CENPF: variants seen among roughly 807,000 people sequenced by gnomAD.
CENPF encodes the protein AH antigen.
A neutral mutation model predicts 307.3 loss-of-function variants in CENPF; 214 were observed. That is an observed-to-expected ratio of 0.70 (90% CI 0.62 to 0.78). CENPF has a LOEUF of 0.78. CENPF is among the 30% of genes least tolerant of loss of function. CENPF has a pLI of 0.00. For missense variants in CENPF, 3,401 were observed against 3,483.9 expected (o/e 0.98, Z 0.60); for synonymous variants, 1,259 against 1,270.6 (o/e 0.99, Z 0.19).
intron 10 of CENPF, among the ~76,000 whole-genome samples, chr1:214,635,125 A>C (rs141175314): frequency 2.0e-5 from 3 of 152,348 alleles, no homozygotes; most frequent in Non-Finnish European, 4.4e-5. Context: ...GACCTTTCCA[A>C]GCATAGGGAT....
chr1:214,608,690 C>T (rs1456843532), intron 1 of CENPF: 14 of 1,593,482 alleles, frequency 8.8e-6, no homozygotes, highest in Non-Finnish European at 1.1e-5. Context: ...CCCAAGGGGG[C>T]GGCCCCGGCC....
At chr1:214,631,416 A>G (rs181898284) in intron 9 of CENPF, among the ~76,000 whole-genome samples, 5 of 152,336 alleles carry the variant, frequency 3.3e-5, no homozygotes, top group South Asian at 2.1e-4. Flanking sequence ...TGATGTTTCT[A>G]TAGGTCAGAT....
chr1:214,615,683 A>C (rs1657317801), intron 3 of CENPF, among the ~76,000 whole-genome samples: 1 of 152,202 alleles, frequency 6.6e-6, no homozygotes, highest in South Asian at 2.1e-4. Context: ...TCATGCCTGT[A>C]ATCCCAGCAC....
intron 19 of CENPF, among the ~76,000 whole-genome samples, chr1:214,662,037 C>T (rs1007933687): frequency 6.6e-6 from 1 of 152,082 alleles, no homozygotes; most frequent in Non-Finnish European, 1.5e-5. Context: ...ACTAAAGTGT[C>T]CTCAATTCAG....
rs775212652 is a variant in CENPF, at chr1:214,614,850, G to A, written c.181G>A (p.Glu61Lys). The A allele has an allele frequency of 1.0e-5, 16 of 1,577,440 alleles. No individual in the cohort carries two copies. In the Admixed American group the frequency reaches 1.4e-4, roughly 13 times the overall value. The stretch of plus-strand genomic sequence containing the variant: ...TCATTAGGTTGAAAATGAAAAAACC[G>A]AGGGTACAAACCTGAAAAGGGAGAA... The part of the protein sequence containing the change: ...QKQKVENEKT[E>K]GTNLKRENQR... The change falls in exon 3 of 20, where the codon GAG (glutamate) becomes AAG (lysine). Residue 61 changes from glutamate to lysine, a missense_variant. Physicochemically the swap from Glu to Lys is moderately conservative, Grantham distance 56. Transcript: ENST00000366955.
At chr1:214,617,427 T>G (rs1284868476) in intron 3 of CENPF, among the ~76,000 whole-genome samples, 1 of 152,208 alleles carries the variant, frequency 6.6e-6, no homozygotes, top group Non-Finnish European at 1.5e-5. Context: ...CTAAAAGAGC[T>G]TTCATTTTAT....
At chr1:214,628,956 C>A in intron 7 of CENPF, 90 bp from the exon 8 acceptor site, 1 of 956,334 alleles carries the variant, frequency 1.0e-6, no homozygotes, top group South Asian at 2.1e-5. Flanking sequence ...TGTGCTAAAA[C>A]AATTATAGCA....
intron 9 of CENPF, among the ~76,000 whole-genome samples, chr1:214,632,274 A>G (rs1390871315): frequency 6.6e-6 from 1 of 151,974 alleles, no homozygotes. Context: ...AGCCTCTTTC[A>G]TCTCCTATAT....
intron 1 of CENPF, among the ~76,000 whole-genome samples, chr1:214,611,582 T>A (rs1657202404): frequency 6.6e-6 from 1 of 152,158 alleles, no homozygotes; most frequent in African/African-American, 2.4e-5. Context: ...GCCAGGCTGG[T>A]CTTGAACTCC....
Position 214,646,539 on chromosome 1 carries a change from A to G in CENPF, c.6969A>G (p.Gln2323=), listed in dbSNP as rs74825176. 2,786 of 1,614,142 alleles carry G rather than the reference A, an allele frequency of 1.7e-3. 54 individuals are homozygous for G. In the African/African-American group the frequency reaches 0.033, roughly 19 times the overall value. The change falls in exon 13 of 20, where the codon CAA becomes CAG. Residue 2323 remains glutamine, a synonymous_variant. Coordinates refer to ENST00000366955, the MANE Select transcript of CENPF (RefSeq NM_016343.4). ...AGAAGCAGCTCTGTGTCTTACAACA[A>G]CTGAAGGAAAGTGAGCATCATGCAG... ...DEKKQLCVLQ[Q]LKESEHHADL... is the part of the protein sequence containing the mutation.
At chr1:214,651,134 C>T (rs1658450467) in intron 14 of CENPF, among the ~76,000 whole-genome samples, 1 of 152,100 alleles carries the variant, frequency 6.6e-6, no homozygotes, top group Admixed American at 6.6e-5. Flanking sequence ...GAAGTAGACA[C>T]CACACATACA....
chr1:214,631,540 C>T (rs569173396), intron 9 of CENPF, among the ~76,000 whole-genome samples: 3 of 152,234 alleles, frequency 2.0e-5, no homozygotes, highest in Non-Finnish European at 4.4e-5. Context: ...CCCTCTGTCA[C>T]CCAGGCTGGA....
At chr1:214,643,944 G>A (rs1410894609) in intron 12 of CENPF, among the ~76,000 whole-genome samples, 4 of 152,206 alleles carry the variant, frequency 2.6e-5, no homozygotes, top group Non-Finnish European at 5.9e-5. Flanking sequence ...TATAGTGTAT[G>A]CATGTCACTT....
At chr1:214,622,989 A>C (rs1360844084) in intron 7 of CENPF, among the ~76,000 whole-genome samples, 1 of 152,190 alleles carries the variant, frequency 6.6e-6, no homozygotes, top group African/African-American at 2.4e-5. Flanking sequence ...AGACACGCGG[A>C]TCACTTGAGG....
rs774154854 is a variant in CENPF at position 214,641,833 on chromosome 1, A to G, written c.3495A>G (p.Glu1165=). ...QLMKVMKTKH[E]CQNLESEPIR... ...TGAAGGTAATGAAGACTAAACATGA[A>G]TGTCAAAATCTAGAATCAGAACCAA... Residue 1165 remains glutamate, a synonymous_variant, in exon 12 of 20, where the codon GAA becomes GAG. Coordinates refer to ENST00000366955, the MANE Select transcript of CENPF (RefSeq NM_016343.4). 5 of 1,609,040 alleles carry G rather than the reference A, an allele frequency of 3.1e-6. No homozygotes were observed. Among genetic ancestry groups the G allele is most frequent in the Non-Finnish European group, 4.2e-6 (5 of 1,178,864 alleles).
rs769583088 is a variant in CENPF at position 214,645,670 on chromosome 1, C to T, written c.6100C>T (p.Gln2034Ter). The T allele has an allele frequency of 6.2e-6, 10 of 1,614,008 alleles. No individual in the cohort carries two copies. Among genetic ancestry groups the T allele is most frequent in the African/African-American group, 1.3e-5 (1 of 74,914 alleles). Reference protein sequence around the residue: ...SELLKDKTHLQEKLQSLEKDS... With the variant: ...SELLKDKTHL Reference sequence around the variant, plus strand: ...GCTGTTAAAAGACAAAACTCATCTCCAGGAAAAGCTGCAGAGTTTGGAAAA... The same window carrying T: ...GCTGTTAAAAGACAAAACTCATCTCTAGGAAAAGCTGCAGAGTTTGGAAAA... The change falls in exon 13 of 20, where the codon CAG becomes TAG. Residue 2034 changes from glutamine to a stop codon, truncating the protein, a stop_gained. Transcript: ENST00000366955. LOFTEE classifies it high-confidence loss of function.
Position 214,642,372 on chromosome 1 carries a change from A to C in CENPF, c.4034A>C (p.Glu1345Ala). Residue 1345 changes from glutamate to alanine, a missense_variant, in exon 12 of 20, where the codon GAA (glutamate) becomes GCA (alanine). Physicochemically the swap from Glu to Ala is moderately radical, Grantham distance 107. Coordinates refer to ENST00000366955, the MANE Select transcript of CENPF (RefSeq NM_016343.4). ...GAAGAGGTAGGGAAACTACTAAATG[A>C]AGTTAAAATATTAAATGATGACAGT... ...MAEEVGKLLN[E>A]VKILNDDSGL... 1 of 1,611,962 alleles carries C rather than the reference A, an allele frequency of 6.2e-7. No homozygotes were observed. The highest frequency in any genetic ancestry group is 1.1e-5 in the South Asian group (1 of 90,518).
At chr1:214,606,124 G>A in intron 1 of CENPF, 4 of 1,537,018 alleles carry the variant, frequency 2.6e-6, no homozygotes, top group Non-Finnish European at 3.5e-6. Flanking sequence ...CGACGCGCGC[G>A]CACCCTTCCC....
chr1:214,634,056 G>A (rs545509486), intron 10 of CENPF, among the ~76,000 whole-genome samples: 2 of 152,330 alleles, frequency 1.3e-5, no homozygotes, highest in South Asian at 4.1e-4. Flanking sequence ...ACATTGTCTT[G>A]CAGGTGTTTC....
Sources: allele counts gnomAD v4.1 joint callset (sites outside exome capture counted in the v4.1 genomes callset), GRCh38; gene constraint gnomAD v4.1.1; transcripts MANE v1.5; gene names NCBI Gene and HGNC (gene_info 2026-07-23, HGNC 2026-07-21).